SAMD12: variants seen among roughly 807,000 people sequenced by gnomAD.
SAMD12 encodes sterile alpha motif domain containing 12, also known as sterile alpha motif domain-containing protein 12.
A neutral mutation model predicts 15.0 loss-of-function variants in SAMD12; 9 were observed. The observed-to-expected ratio is 0.60, with a 90% CI of 0.36 to 1.05. The LOEUF is 1.05. Among genes scored for constraint, SAMD12 ranks in the 50% least tolerant of loss-of-function variants. The probability of loss-of-function intolerance (pLI) is 0.01; values close to 1 mark genes in which losing one functional copy is unlikely to be tolerated. For missense variants in SAMD12, 230 were observed against 234.2 expected (o/e 0.98, Z 0.12); for synonymous variants, 86 against 90.1 (o/e 0.96, Z 0.25).
At chr8:118,280,469 G>A (rs1299953793) in intron 4 of SAMD12, among the ~76,000 whole-genome samples, 3 of 152,132 alleles carry the variant, frequency 2.0e-5, no homozygotes, top group Admixed American at 1.3e-4. Flanking sequence ...CCTCCAGGGA[G>A]ACTCTGTATT....
rs556850987 is a variant in SAMD12, at chr8:118,583,956, A to G, written c.14-3063T>C. On this transcript the variant is annotated intron_variant, in intron 1 of 3. Transcript: ENST00000314727. ...CATTCCTGAGTCCAGGACCTGGCAC[A>G]TAAGAGACATTAAGGAAACACTTGT... is the stretch of plus-strand genomic sequence containing the variant. 1.1e-3 allele frequency among the ~76,000 whole-genome samples: 173 copies of G among 152,350 alleles called. 1 individual carries two copies. The highest frequency in any genetic ancestry group is 3.4e-3 in the Middle Eastern group (1 of 294).
At chr8:118,394,546 A>G (rs997751650) in intron 3 of SAMD12, among the ~76,000 whole-genome samples, 5 of 152,222 alleles carry the variant, frequency 3.3e-5, no homozygotes, top group African/African-American at 4.8e-5. Flanking sequence ...TGTTGTTGAG[A>G]GAAAACCACA....
At chr8:118,535,757 A>G (rs1825821159) in intron 2 of SAMD12, among the ~76,000 whole-genome samples, 1 of 152,214 alleles carries the variant, frequency 6.6e-6, no homozygotes, top group South Asian at 2.1e-4. Context: ...CAGGTGCAGG[A>G]TATCATCTCC....
intron 2 of SAMD12, among the ~76,000 whole-genome samples, chr8:118,539,420 T>C (rs1825932157): frequency 6.6e-6 from 1 of 152,212 alleles, no homozygotes; most frequent in Admixed American, 6.5e-5. Context: ...TGAACTATTT[T>C]GACTCCAGCT....
chr8:118,472,095 G>A (rs1418271238), intron 2 of SAMD12, among the ~76,000 whole-genome samples: 1 of 152,064 alleles, frequency 6.6e-6, no homozygotes, highest in East Asian at 1.9e-4. Flanking sequence ...AGACCATCCT[G>A]GCTAACACGG....
intron 3 of SAMD12, among the ~76,000 whole-genome samples, chr8:118,410,282 C>G (rs1434935676): frequency 8.5e-5 from 13 of 152,142 alleles, no homozygotes; most frequent in Non-Finnish European, 2.9e-5. Flanking sequence ...TGTCCTATTT[C>G]TCACTGACTA....
intron 3 of SAMD12, among the ~76,000 whole-genome samples, chr8:118,417,061 T>C (rs887948989): frequency 4.6e-5 from 7 of 152,120 alleles, no homozygotes; most frequent in Non-Finnish European, 5.9e-5. Flanking sequence ...CTAAAGATTA[T>C]TGTTTCCAGA....
At chr8:118,486,450 G>A (rs957464863) in intron 2 of SAMD12, among the ~76,000 whole-genome samples, 1 of 151,510 alleles carries the variant, frequency 6.6e-6, no homozygotes, top group African/African-American at 2.4e-5. Context: ...GCAAAAGATG[G>A]GGTTAGAGAG....
chr8:118,465,560 A>C (rs1351388425), intron 2 of SAMD12, among the ~76,000 whole-genome samples: 1 of 152,178 alleles, frequency 6.6e-6, no homozygotes, highest in Non-Finnish European at 1.5e-5. Context: ...TCGGACACAC[A>C]CACAGCAAAG....
chr8:118,177,272 A>C, the SAMD12 span, among the ~76,000 whole-genome samples: 1 of 146,908 alleles, frequency 6.8e-6, no homozygotes, highest in African/African-American at 2.5e-5. Flanking sequence ...ACAAGATCTC[A>C]TTCTGTCACC....
intron 2 of SAMD12, among the ~76,000 whole-genome samples, chr8:118,557,194 C>T (rs926741854): frequency 2.3e-4 from 35 of 152,190 alleles, no homozygotes; most frequent in African/African-American, 8.2e-4. Context: ...CCATGCTGTT[C>T]TAGTGATAGT....
intron 4 of SAMD12, among the ~76,000 whole-genome samples, chr8:118,258,335 T>C (rs1456925306): frequency 6.6e-6 from 1 of 152,170 alleles, no homozygotes; most frequent in African/African-American, 2.4e-5. Context: ...ACTTTCCTCA[T>C]CTGGATTTCT....
intron 3 of SAMD12, among the ~76,000 whole-genome samples, chr8:118,434,254 A>G (rs1187389960): frequency 1.3e-5 from 2 of 152,216 alleles, no homozygotes; most frequent in African/African-American, 4.8e-5. Context: ...GAACAGAGGC[A>G]TACATCTATT....
intron 4 of SAMD12, among the ~76,000 whole-genome samples, chr8:118,262,138 C>A (rs1468734376): frequency 6.6e-6 from 1 of 151,982 alleles, no homozygotes; most frequent in African/African-American, 2.4e-5. Flanking sequence ...TTCATCTGAT[C>A]AACAGCCACT....
In SAMD12 at chr8:118,621,726, G is replaced by C; in HGVS notation, c.13+78C>G. The stretch of plus-strand genomic sequence containing the variant: ...CCCCTTTCCTCGCCTCCCCACGATC[G>C]CCAAGCTTCATCGGGGATGTGTGCC... On this transcript the variant is annotated intron_variant, in intron 1 of 3. Coordinates refer to ENST00000314727, the MANE Select transcript of SAMD12 (RefSeq NM_207506.3). 6 of 1,537,384 alleles carry C rather than the reference G, an allele frequency of 3.9e-6. No homozygotes were observed. In the South Asian group the frequency reaches 6.7e-5, roughly 17 times the overall value.
chr8:118,542,299 G>GA (rs1398735695), intron 2 of SAMD12, among the ~76,000 whole-genome samples: 1 of 152,018 alleles, frequency 6.6e-6, no homozygotes, highest in Non-Finnish European at 1.5e-5. Context: ...TATTCTCAAT[G>GA]AAAAAATAGA....
At chr8:118,455,268 C>CCTCTCTCTCTCTCTCTCT (rs57371997) in intron 2 of SAMD12, among the ~76,000 whole-genome samples, 1 of 148,628 alleles carries the variant, frequency 6.7e-6, no homozygotes, top group Non-Finnish European at 1.5e-5. Flanking sequence ...GGCTTTCACA[C>CCTCTCTCTCTCTCTCTCT]CTCTCTCTCT....
intron 3 of SAMD12, among the ~76,000 whole-genome samples, chr8:118,426,189 T>C (rs1485214593): frequency 6.6e-6 from 1 of 152,204 alleles, no homozygotes; most frequent in East Asian, 1.9e-4. Flanking sequence ...ATAGGTAATA[T>C]TTCTTGATGT....
chr8:118,246,390 A>T (rs1198861930), intron 4 of SAMD12, among the ~76,000 whole-genome samples: 1 of 152,162 alleles, frequency 6.6e-6, no homozygotes, highest in Non-Finnish European at 1.5e-5. Context: ...TTTTCTTTTC[A>T]TCAAGATATC....
Sources: allele counts gnomAD v4.1 joint callset (sites outside exome capture counted in the v4.1 genomes callset), GRCh38; gene constraint gnomAD v4.1.1; transcripts MANE v1.5; gene names NCBI Gene and HGNC (gene_info 2026-07-23, HGNC 2026-07-21).